TOX: variants seen among roughly 807,000 people sequenced by gnomAD.
TOX encodes the protein thymocyte selection associated high mobility group box, also known as thymocyte selection-associated high mobility group box protein TOX.
Under a neutral mutation model 53.7 loss-of-function variants are expected in TOX, and 11 were observed. That is an observed-to-expected ratio of 0.20 (90% CI 0.13 to 0.34). The LOEUF is 0.34. Among genes scored for constraint, TOX ranks in the 10% least tolerant of loss-of-function variants. TOX has a pLI of 1.00. For missense variants in TOX, 570 were observed against 664.6 expected, an observed-to-expected ratio of 0.86 and a Z score of 1.56; for synonymous variants, 225 against 245.3, an observed-to-expected ratio of 0.92 and a Z score of 0.77.
chr8:59,057,376 C>T (rs1803904779), intron 1 of TOX, among the ~76,000 whole-genome samples: 2 of 152,136 alleles, frequency 1.3e-5, no homozygotes, highest in Non-Finnish European at 2.9e-5. Flanking sequence ...GGCAAAGTGT[C>T]ATAATACACA....
At chr8:58,956,311 T>C (rs1812706507) in intron 2 of TOX, among the ~76,000 whole-genome samples, 1 of 152,126 alleles carries the variant, frequency 6.6e-6, no homozygotes, top group Non-Finnish European at 1.5e-5. Flanking sequence ...CCCCATAGCA[T>C]GCGTATCTGA....
chr8:58,844,962 T>C (rs1810699815), intron 4 of TOX, among the ~76,000 whole-genome samples: 1 of 152,162 alleles, frequency 6.6e-6, no homozygotes. Flanking sequence ...TGGTTAATTA[T>C]AGAGATGTAT....
At chr8:58,945,325 T>C (rs1812508501) in intron 2 of TOX, among the ~76,000 whole-genome samples, 1 of 152,224 alleles carries the variant, frequency 6.6e-6, no homozygotes, top group Admixed American at 6.5e-5. Context: ...AATTGCTAAT[T>C]AGAGGCTCAC....
intron 1 of TOX, among the ~76,000 whole-genome samples, chr8:59,059,137 T>TA (rs907643806): frequency 3.3e-5 from 5 of 152,216 alleles, no homozygotes; most frequent in Admixed American, 1.3e-4. Flanking sequence ...TTTAAGTAGA[T>TA]AATGAGGGTG....
At chr8:58,945,178 C>G (rs889973081) in intron 2 of TOX, among the ~76,000 whole-genome samples, 1 of 152,148 alleles carries the variant, frequency 6.6e-6, no homozygotes. Context: ...CAACTCCTAC[C>G]AACCCAACTA....
chr8:58,984,664 T>C (rs111937104), intron 1 of TOX, among the ~76,000 whole-genome samples: 12,481 of 151,430 alleles, frequency 0.082, 574 homozygotes, highest in Middle Eastern at 0.16. Flanking sequence ...GCGTCTGTAG[T>C]CCCAGCTACT....
intron 1 of TOX, among the ~76,000 whole-genome samples, chr8:58,968,059 A>G (rs1005275487): frequency 6.6e-6 from 1 of 152,240 alleles, no homozygotes; most frequent in Non-Finnish European, 1.5e-5. Context: ...AGAAACAAGA[A>G]TTGCCTATAT....
At chr8:58,816,937 A>G (rs928733021) in intron 6 of TOX, among the ~76,000 whole-genome samples, 8 of 152,068 alleles carry the variant, frequency 5.3e-5, no homozygotes, top group African/African-American at 1.9e-4. Context: ...AACACAACTC[A>G]TTTGTCTTCA....
At chr8:58,874,370 G>T (rs1811250852) in intron 3 of TOX, among the ~76,000 whole-genome samples, 1 of 151,812 alleles carries the variant, frequency 6.6e-6, no homozygotes, top group Non-Finnish European at 1.5e-5. Flanking sequence ...AGTGTGTGTG[G>T]GTAGACAGTG....
intron 6 of TOX, among the ~76,000 whole-genome samples, chr8:58,822,466 A>G (rs1304014020): frequency 6.6e-6 from 1 of 152,238 alleles, no homozygotes; most frequent in Non-Finnish European, 1.5e-5. Flanking sequence ...TGTATCCTGC[A>G]ATTCTGATAT....
chr8:58,887,727 G>A (rs994254735), intron 3 of TOX, among the ~76,000 whole-genome samples: 3 of 151,760 alleles, frequency 2.0e-5, no homozygotes, highest in African/African-American at 7.3e-5. Flanking sequence ...GCTCTTTAAG[G>A]TCTTTCTTCT....
intron 1 of TOX, among the ~76,000 whole-genome samples, chr8:58,972,957 TA>T (rs1376905254): frequency 6.6e-6 from 1 of 152,226 alleles, no homozygotes; most frequent in Non-Finnish European, 1.5e-5. Context: ...AGAAATCTTT[TA>T]ACGTTATTTG....
chr8:59,008,411 C>A (rs1813832211), intron 1 of TOX, among the ~76,000 whole-genome samples: 1 of 152,220 alleles, frequency 6.6e-6, no homozygotes, highest in Non-Finnish European at 1.5e-5. Flanking sequence ...GAAGGGGAAG[C>A]AATCTATGCT....
chr8:58,920,805 GA>G (rs1439567277), intron 3 of TOX, among the ~76,000 whole-genome samples: 2 of 148,116 alleles, frequency 1.4e-5, no homozygotes, highest in Non-Finnish European at 3.0e-5. Flanking sequence ...ACTACTCTGT[GA>G]GGAGTTACTT....
chr8:59,061,073 C>G (rs946397383), intron 1 of TOX, among the ~76,000 whole-genome samples: 1 of 152,026 alleles, frequency 6.6e-6, no homozygotes, highest in Non-Finnish European at 1.5e-5. Context: ...AATAAGTCAG[C>G]AAAGATTACA....
intron 1 of TOX, among the ~76,000 whole-genome samples, chr8:59,066,347 C>G (rs1286703486): frequency 1.3e-5 from 2 of 152,168 alleles, no homozygotes; most frequent in Non-Finnish European, 2.9e-5. Flanking sequence ...CATTAGCTTC[C>G]TTCTCCATTA....
chr8:58,826,006 C>T, intron 6 of TOX, among the ~76,000 whole-genome samples: 1 of 152,156 alleles, frequency 6.6e-6, no homozygotes, highest in Non-Finnish European at 1.5e-5. Context: ...GTACTTTGGG[C>T]TCTCTTTTCT....
At chr8:58,955,684 C>G in intron 2 of TOX, among the ~76,000 whole-genome samples, 1 of 151,270 alleles carries the variant, frequency 6.6e-6, no homozygotes. Context: ...GTCCAGGGCA[C>G]TGGTGGAAAA....
At position 59,118,085 on chromosome 8, in the gene TOX, G is replaced by A. The variant is rs1805138334; in HGVS notation, c.102+801C>T. Among the ~76,000 whole-genome samples the A allele has an allele frequency of 2.0e-5, 3 of 152,188 alleles. No individual in the cohort carries two copies. The highest frequency in any genetic ancestry group is 2.9e-5 in the Non-Finnish European group (2 of 68,024). ...CACCTCCGGGTCACCGGCATGATCC[G>A]CCTCTCCCCGGGCCCCCGCGGCCCT... On this transcript the variant is annotated intron_variant, in intron 1 of 8. Coordinates refer to ENST00000361421, the MANE Select transcript of TOX (RefSeq NM_014729.3). The surrounding 1 kb of genome is among the most constrained non-coding windows in gnomAD (Gnocchi z 4.1).
Sources: gnomAD v4.1 joint callset for allele counts (sites outside exome capture counted in the v4.1 genomes callset) on GRCh38, gnomAD v4.1.1 for gene constraint, Gnocchi (gnomAD v3.1) non-coding constraint, MANE v1.5 for transcripts, NCBI Gene and HGNC (gene_info 2026-07-23, HGNC 2026-07-21) for gene names.